ACOXL: variants seen among roughly 807,000 people sequenced by gnomAD.
ACOXL encodes acyl-coenzyme A oxidase-like protein.
A neutral mutation model predicts 71.9 loss-of-function variants in ACOXL; 70 were observed. The observed-to-expected ratio is 0.97, with a 90% CI of 0.80 to 1.19. The LOEUF (loss-of-function observed/expected upper bound fraction) is 1.19, where lower values mean the gene tolerates loss of function less well. Among genes scored for constraint, ACOXL ranks in the 50% most tolerant of loss-of-function variants. The probability of loss-of-function intolerance (pLI) is 0.00; values close to 1 mark genes in which losing one functional copy is unlikely to be tolerated. For synonymous variants in ACOXL, 253 were observed against 281.6 expected (o/e 0.90, Z 1.02); for missense variants, 703 against 736.3 (o/e 0.95, Z 0.52).
intron 2 of ACOXL, among the ~76,000 whole-genome samples, chr2:110,775,285 A>G (rs1174469549): frequency 6.6e-6 from 1 of 152,238 alleles, no homozygotes; most frequent in African/African-American, 2.4e-5. Flanking sequence ...AGAACACCAA[A>G]AACACAGGCT....
At chr2:110,912,848 T>G (rs2059695107) in intron 11 of ACOXL, among the ~76,000 whole-genome samples, 1 of 152,192 alleles carries the variant, frequency 6.6e-6, no homozygotes, top group African/African-American at 2.4e-5. Context: ...ATTTTCAAAT[T>G]ATATATCTGG....
At chr2:110,982,818 C>T (rs138463551) in intron 12 of ACOXL, among the ~76,000 whole-genome samples, 1,530 of 152,296 alleles carry the variant, frequency 0.01, 29 homozygotes, top group African/African-American at 0.035. Context: ...CCCCTAGGGC[C>T]AGGGCCAGCT....
At chr2:111,036,596 A>G (rs2065529379) in intron 15 of ACOXL, among the ~76,000 whole-genome samples, 2 of 152,154 alleles carry the variant, frequency 1.3e-5, no homozygotes, top group African/African-American at 4.8e-5. Context: ...TAGGCCTATG[A>G]GCAGTGCCTT....
intron 14 of ACOXL, among the ~76,000 whole-genome samples, chr2:111,003,730 C>T (rs1332908559): frequency 1.3e-5 from 2 of 151,958 alleles, no homozygotes; most frequent in East Asian, 1.9e-4. Context: ...AAACCTTGCA[C>T]TCGTGTTAAA....
chr2:111,056,297 T>C (rs1367549876), intron 16 of ACOXL, among the ~76,000 whole-genome samples: 1 of 151,966 alleles, frequency 6.6e-6, no homozygotes, highest in Non-Finnish European at 1.5e-5. Context: ...CTCATTCCTA[T>C]GCCATTGAAG....
chr2:110,748,816 T>A (rs2104777391), intron 1 of ACOXL, among the ~76,000 whole-genome samples: 1 of 152,326 alleles, frequency 6.6e-6, no homozygotes, highest in East Asian at 1.9e-4. Flanking sequence ...CACCTGTCAT[T>A]TGTGTGACTG....
At chr2:110,939,014 T>C (rs923784070) in intron 12 of ACOXL, among the ~76,000 whole-genome samples, 1 of 152,210 alleles carries the variant, frequency 6.6e-6, no homozygotes, top group Non-Finnish European at 1.5e-5. Flanking sequence ...TTAGTGTGTC[T>C]AGTTTAGGAG....
At chr2:110,750,895 G>C (rs1001852109) in intron 1 of ACOXL, among the ~76,000 whole-genome samples, 1 of 151,924 alleles carries the variant, frequency 6.6e-6, no homozygotes, top group Admixed American at 6.6e-5. Context: ...ATGTTGCCCA[G>C]GCTGATCTTG....
intron 11 of ACOXL, among the ~76,000 whole-genome samples, chr2:110,917,516 C>T (rs2059909296): frequency 6.6e-6 from 1 of 152,238 alleles, no homozygotes; most frequent in Admixed American, 6.5e-5. Flanking sequence ...CCCTCTCTCA[C>T]CACTCCTATT....
intron 10 of ACOXL, among the ~76,000 whole-genome samples, chr2:110,871,333 A>G (rs533729121): frequency 9.2e-5 from 14 of 152,288 alleles, no homozygotes; most frequent in Admixed American, 1.3e-4. Context: ...AAATAGGACC[A>G]TGATACTCCA....
intron 1 of ACOXL, among the ~76,000 whole-genome samples, chr2:110,742,069 C>G (rs1677618290): frequency 6.6e-6 from 1 of 152,216 alleles, no homozygotes; most frequent in Non-Finnish European, 1.5e-5. Context: ...TGGAAGGAAA[C>G]AGCACGGTGA....
intron 2 of ACOXL, among the ~76,000 whole-genome samples, chr2:110,770,487 G>T (rs991501989): frequency 1.3e-5 from 2 of 152,254 alleles, no homozygotes; most frequent in African/African-American, 4.8e-5. Context: ...TGCAGTGTCA[G>T]CTGAGCTGGA....
At chr2:110,821,458 A>G (rs889219099) in intron 9 of ACOXL, among the ~76,000 whole-genome samples, 2 of 152,064 alleles carry the variant, frequency 1.3e-5, no homozygotes, top group Non-Finnish European at 2.9e-5. Flanking sequence ...GTGGAGGGAG[A>G]ACCCTTCTCT....
At chr2:110,919,314 C>G (rs1036968845) in intron 11 of ACOXL, among the ~76,000 whole-genome samples, 8 of 151,292 alleles carry the variant, frequency 5.3e-5, no homozygotes, top group Non-Finnish European at 1.0e-4. Context: ...GAACAGAAAA[C>G]CAAACACCAC....
chr2:110,818,451 GTA>G (rs755048740), intron 9 of ACOXL, among the ~76,000 whole-genome samples: 2,146 of 135,600 alleles, frequency 0.016, 32 homozygotes, highest in Admixed American at 0.028. Context: ...GTGTGTGTGT[GTA>G]TATATATATA....
At chr2:111,014,546 C>G (rs927722932) in intron 14 of ACOXL, among the ~76,000 whole-genome samples, 2 of 152,176 alleles carry the variant, frequency 1.3e-5, no homozygotes, top group Non-Finnish European at 2.9e-5. Context: ...AATGTTCATC[C>G]TCCTGAAATT....
intron 1 of ACOXL, among the ~76,000 whole-genome samples, chr2:110,747,500 G>T (rs911829390): frequency 7.2e-5 from 11 of 152,280 alleles, no homozygotes; most frequent in African/African-American, 2.2e-4. Context: ...CTAGCCTCTC[G>T]TGTGCCATTC....
chr2:110,808,339 C>T (rs528390539), intron 9 of ACOXL, among the ~76,000 whole-genome samples: 3 of 152,268 alleles, frequency 2.0e-5, no homozygotes, highest in East Asian at 1.9e-4. Context: ...GGTCCTACCC[C>T]CAGGATGTGT....
chr2:110,952,268 T>C (rs1357186915), intron 12 of ACOXL, among the ~76,000 whole-genome samples: 1 of 152,196 alleles, frequency 6.6e-6, no homozygotes, highest in Non-Finnish European at 1.5e-5. Context: ...AACCATAAAG[T>C]CCATGATACC....
Sources: allele counts gnomAD v4.1 joint callset (sites outside exome capture counted in the v4.1 genomes callset), GRCh38; gene constraint gnomAD v4.1.1; transcripts MANE v1.5; gene names NCBI Gene and HGNC (gene_info 2026-07-23, HGNC 2026-07-21).